Variants in PARP8 observed in about 807,000 individuals in gnomAD.
PARP8 encodes protein mono-ADP-ribosyltransferase PARP8.
PARP8 carries 51 observed loss-of-function variants against 124.1 expected under a neutral mutation model. That is an observed-to-expected ratio of 0.41 (90% CI 0.33 to 0.52). PARP8 has a LOEUF of 0.52. PARP8 is among the 20% of genes least tolerant of loss of function. The probability of loss-of-function intolerance (pLI) is 0.21; values close to 1 mark genes in which losing one functional copy is unlikely to be tolerated. For missense variants in PARP8, 860 were observed against 1,018.9 expected (o/e 0.84, Z 2.12); for synonymous variants, 391 against 361.5 (o/e 1.08, Z -0.93).
rs1178541638 is a variant in PARP8, at chr5:50,759,686, A to G, written c.228A>G (p.Leu76=). 2 of 1,577,342 alleles carry G rather than the reference A, an allele frequency of 1.3e-6. No individual in the cohort carries two copies. ...VSSSENDEDV[L]VTTEPIPVIF... ...GTTCAGAGAATGATGAAGATGTGCT[A>G]GTTACTACAGAGCCAATACCAGTAA... The change falls in exon 4 of 26, where the codon CTA becomes CTG. Residue 76 remains leucine, a synonymous_variant. Transcript: ENST00000281631.
chr5:50,809,783 A>C (rs1259131830), intron 14 of PARP8, among the ~76,000 whole-genome samples: 3 of 150,316 alleles, frequency 2.0e-5, no homozygotes, highest in Non-Finnish European at 3.0e-5. Context: ...TTTGAAAACC[A>C]CTCATCTACA....
intron 7 of PARP8, among the ~76,000 whole-genome samples, chr5:50,767,356 C>T (rs1409510239): frequency 6.6e-6 from 1 of 152,124 alleles, no homozygotes; most frequent in African/African-American, 2.4e-5. Flanking sequence ...CATCCTCTGC[C>T]TCCAAGCCAA....
intron 3 of PARP8, among the ~76,000 whole-genome samples, chr5:50,750,890 G>A (rs1759180611): frequency 6.7e-6 from 1 of 150,088 alleles, no homozygotes; most frequent in Admixed American, 6.7e-5. Flanking sequence ...AAATTTTACT[G>A]GAAGAACCAA....
At chr5:50,838,015 GA>G (rs1319137079) in intron 25 of PARP8, among the ~76,000 whole-genome samples, 2 of 152,062 alleles carry the variant, frequency 1.3e-5, no homozygotes, top group African/African-American at 2.4e-5. Flanking sequence ...CCCATATGTA[GA>G]AATTAGGAAG....
At chr5:50,815,182 G>T (rs920858965) in intron 14 of PARP8, among the ~76,000 whole-genome samples, 1 of 151,954 alleles carries the variant, frequency 6.6e-6, no homozygotes. Context: ...CTGCTAAATT[G>T]TTCTGAGTGT....
intron 2 of PARP8, among the ~76,000 whole-genome samples, chr5:50,670,373 A>G (rs930501832): frequency 6.6e-6 from 1 of 152,272 alleles, no homozygotes; most frequent in Non-Finnish European, 1.5e-5. Context: ...CAAGTTGTAG[A>G]TAAAACTTAC....
Position 50,828,245 on chromosome 5 carries a change from T to C in PARP8, c.2091-67T>C, listed in dbSNP as rs1580483622. 9 of 1,478,792 alleles carry C rather than the reference T, an allele frequency of 6.1e-6. No homozygotes were observed. The South Asian group carries it at 8.1e-5, about 13-fold the overall frequency. 91.6% of individuals were successfully genotyped at this position (1,478,792 alleles called of 1,614,324 possible). On this transcript the variant is annotated intron_variant, in intron 20 of 25. Coordinates refer to ENST00000281631, the MANE Select transcript of PARP8 (RefSeq NM_024615.4). ...CTTCAGAAGGCACCATGACTTATTATGTTTTGACCACTTTGAAGATAATTA... is the reference window on the plus strand; with the variant it reads ...CTTCAGAAGGCACCATGACTTATTACGTTTTGACCACTTTGAAGATAATTA...
At chr5:50,666,061 G>C (rs2112154564), upstream of PARP8, 1 of 152,294 alleles carries the variant, frequency 6.6e-6, no homozygotes, top group South Asian at 2.1e-4. Flanking sequence ...ACCTAGGAAG[G>C]GAGAACTGGT....
At chr5:50,747,149 TG>T (rs66537245) in intron 2 of PARP8, among the ~76,000 whole-genome samples, 76,466 of 110,904 alleles carry the variant, frequency 0.69, 23,654 homozygotes, top group Non-Finnish European at 0.73. Flanking sequence ...TGGTTTTTTT[TG>T]TTTGTTTGTT....
At chr5:50,738,028 T>C (rs1261138137) in intron 2 of PARP8, among the ~76,000 whole-genome samples, 4 of 152,200 alleles carry the variant, frequency 2.6e-5, no homozygotes, top group Non-Finnish European at 4.4e-5. Flanking sequence ...CTGATTTTAG[T>C]AACCACTTAG....
At chr5:50,673,378 A>T (rs996294377) in intron 2 of PARP8, among the ~76,000 whole-genome samples, 2 of 151,956 alleles carry the variant, frequency 1.3e-5, no homozygotes, top group African/African-American at 4.8e-5. Context: ...TAAAATTTAA[A>T]CTCCATTTTC....
chr5:50,797,078 C>G (rs573563927), intron 13 of PARP8, 46 bp downstream of exon 13: 1 of 1,609,004 alleles, frequency 6.2e-7, no homozygotes, highest in South Asian at 1.1e-5. Context: ...TTAGTTCTTA[C>G]GGGGTTTTTA....
chr5:50,808,270 G>T (rs1206633692), intron 14 of PARP8, among the ~76,000 whole-genome samples: 1 of 151,710 alleles, frequency 6.6e-6, no homozygotes, highest in Non-Finnish European at 1.5e-5. Context: ...AAGCAGGAGG[G>T]AAGAAGAGGA....
chr5:50,813,417 G>A (rs1157472533), intron 14 of PARP8, among the ~76,000 whole-genome samples: 1 of 152,132 alleles, frequency 6.6e-6, no homozygotes, highest in East Asian at 1.9e-4. Context: ...GTATAAGAAT[G>A]CTTGTGATTT....
At chr5:50,801,577 G>T (rs774437930) in intron 14 of PARP8, among the ~76,000 whole-genome samples, 1 of 152,082 alleles carries the variant, frequency 6.6e-6, no homozygotes, top group African/African-American at 2.4e-5. Context: ...TTGAACATTT[G>T]TATCATCTCT....
At chr5:50,841,312 G>T (rs62365487) in intron 25 of PARP8, among the ~76,000 whole-genome samples, 1,527 of 151,920 alleles carry the variant, frequency 0.01, 10 homozygotes, top group Non-Finnish European at 0.017. Flanking sequence ...CATCTAAAAT[G>T]TAACTATTTC....
At position 50,720,671 on chromosome 5, in the gene PARP8, T is replaced by G. The variant is rs571602155; in HGVS notation, c.147-29480T>G. Among the ~76,000 whole-genome samples, 6 of 152,148 alleles carry G rather than the reference T, an allele frequency of 3.9e-5. No individual in the cohort carries two copies. In the East Asian group the frequency reaches 1.2e-3, roughly 29 times the overall value. ...AGTCCTGATTCAGTGCACCATATTCTAAGCTAAACATCAGGTTTCTATAGA... is the reference window on the plus strand; with the variant it reads ...AGTCCTGATTCAGTGCACCATATTCGAAGCTAAACATCAGGTTTCTATAGA... On this transcript the variant is annotated intron_variant, in intron 2 of 25. Transcript: ENST00000281631.
At chr5:50,783,226 G>A (rs1304733282) in intron 9 of PARP8, among the ~76,000 whole-genome samples, 1 of 151,946 alleles carries the variant, frequency 6.6e-6, no homozygotes, top group Non-Finnish European at 1.5e-5. Flanking sequence ...GTAGAAGGGA[G>A]GAGAGAAGAA....
In PARP8 at chr5:50,726,113, A is replaced by AT. The variant is rs1206970178; in HGVS notation, c.147-24028dup. On this transcript the variant is annotated intron_variant, in intron 2 of 25. Coordinates refer to ENST00000281631, the MANE Select transcript of PARP8 (RefSeq NM_024615.4). Reference sequence around the variant, plus strand: ...TTACAAGTCGTCCTCCTCCCTACTTATTTTTTTTTTAAATTTTTTATTTTT... The same window carrying AT: ...TTACAAGTCGTCCTCCTCCCTACTTATTTTTTTTTTTAAATTTTTTATTTTT... Among the ~76,000 whole-genome samples the AT allele has an allele frequency of 2.4e-3, 360 of 149,612 alleles. 2 individuals carry two copies. The highest frequency in any genetic ancestry group is 8.1e-3 in the African/African-American group (329 of 40,812).
Sources: gnomAD v4.1 joint callset for allele counts (sites outside exome capture counted in the v4.1 genomes callset) on GRCh38, gnomAD v4.1.1 for gene constraint, MANE v1.5 for transcripts, NCBI Gene and HGNC (gene_info 2026-07-23, HGNC 2026-07-21) for gene names.